DGKB: variants seen among roughly 807,000 people sequenced by gnomAD.
DGKB encodes the protein diacylglycerol kinase beta, also known as 90 kDa diacylglycerol kinase.
DGKB carries 67 observed loss-of-function variants against 114.3 expected under a neutral mutation model. The ratio of observed to expected loss-of-function variants is 0.59; its 90% confidence interval spans 0.48 to 0.72. The LOEUF is 0.72. Ranked by LOEUF, DGKB falls within the 30% of genes least tolerant of loss-of-function variation. DGKB has a pLI of 0.00. For synonymous variants in DGKB, 398 were observed against 323.1 expected (o/e 1.23, Z -2.49); for missense variants, 907 against 975.2 (o/e 0.93, Z 0.93).
chr7:14,480,093 C>A (rs1782762524), intron 20 of DGKB, among the ~76,000 whole-genome samples: 1 of 151,462 alleles, frequency 6.6e-6, no homozygotes, highest in Non-Finnish European at 1.5e-5. Flanking sequence ...TCTTCCTTTA[C>A]AAAGCAACAT....
At chr7:14,730,396 T>A (rs1403189583) in intron 5 of DGKB, among the ~76,000 whole-genome samples, 1 of 152,170 alleles carries the variant, frequency 6.6e-6, no homozygotes, top group Non-Finnish European at 1.5e-5. Context: ...GCCATCTTAT[T>A]AATCATTGAA....
intron 15 of DGKB, among the ~76,000 whole-genome samples, chr7:14,618,454 A>G (rs1327404193): frequency 2.0e-5 from 3 of 151,688 alleles, no homozygotes; most frequent in Non-Finnish European, 4.4e-5. Context: ...ATTTAGGAAC[A>G]AGGTAACTTC....
At chr7:14,279,014 G>A (rs2128449318) in intron 23 of DGKB, among the ~76,000 whole-genome samples, 1 of 152,300 alleles carries the variant, frequency 6.6e-6, no homozygotes, top group Non-Finnish European at 1.5e-5. Context: ...GCGCAGGTCA[G>A]TGGGTGCACG....
intron 21 of DGKB, among the ~76,000 whole-genome samples, chr7:14,352,981 A>C (rs1813761416): frequency 6.6e-6 from 1 of 152,140 alleles, no homozygotes; most frequent in Admixed American, 6.5e-5. Context: ...TAATAATAAA[A>C]GTGTCCCTAA....
intron 20 of DGKB, among the ~76,000 whole-genome samples, chr7:14,539,045 G>C (rs1351005374): frequency 6.6e-6 from 1 of 152,078 alleles, no homozygotes; most frequent in Non-Finnish European, 1.5e-5. Context: ...AAATCATTTT[G>C]TAATTGGACC....
chr7:14,645,285 C>T (rs1812713541), intron 13 of DGKB, among the ~76,000 whole-genome samples: 1 of 152,100 alleles, frequency 6.6e-6, no homozygotes, highest in Non-Finnish European at 1.5e-5. Flanking sequence ...GTGCACATAC[C>T]TTGATCCTTT....
At chr7:14,365,456 C>T (rs1384450960) in intron 21 of DGKB, among the ~76,000 whole-genome samples, 1 of 151,932 alleles carries the variant, frequency 6.6e-6, no homozygotes, top group Non-Finnish European at 1.5e-5. Context: ...AGCCCAGAAC[C>T]GACAGTATAA....
chr7:14,720,471 ATTTGTGTGTG>A (rs1317807758), intron 5 of DGKB, among the ~76,000 whole-genome samples: 1 of 104,208 alleles, frequency 9.6e-6, no homozygotes, highest in Non-Finnish European at 1.9e-5. Context: ...CGCCCGGCTG[ATTTGTGTGTG>A]TGTGTGTGTG....
chr7:14,466,645 CAAA>C (rs57888491), intron 21 of DGKB, among the ~76,000 whole-genome samples: 48,625 of 138,514 alleles, frequency 0.35, 8,539 homozygotes, highest in South Asian at 0.44. Flanking sequence ...ATGAATAAAC[CAAA>C]AAAAAAAAAA....
At chr7:14,653,508 G>T (rs143730277) in intron 13 of DGKB, among the ~76,000 whole-genome samples, 1 of 151,992 alleles carries the variant, frequency 6.6e-6, no homozygotes, top group East Asian at 1.9e-4. Context: ...ACTGTTGTGG[G>T]GTGGGGGTAG....
intron 13 of DGKB, among the ~76,000 whole-genome samples, chr7:14,632,036 G>T (rs1294073992): frequency 2.0e-5 from 3 of 151,930 alleles, no homozygotes; most frequent in African/African-American, 7.2e-5. Context: ...GCATACATTT[G>T]CAGAGAGCAG....
At chr7:14,251,836 G>A (rs1341627606) in intron 23 of DGKB, among the ~76,000 whole-genome samples, 7 of 151,922 alleles carry the variant, frequency 4.6e-5, no homozygotes, top group Non-Finnish European at 5.9e-5. Context: ...CTCCTTTCCT[G>A]GCCTGCAAGG....
intron 14 of DGKB, among the ~76,000 whole-genome samples, chr7:14,628,333 T>A (rs1233519172): frequency 9.1e-6 from 1 of 109,686 alleles, no homozygotes; most frequent in Non-Finnish European, 2.1e-5. Flanking sequence ...GTGGTGTGTA[T>A]GAGGAGTGGT....
At chr7:14,973,836 A>G (rs1367213116) in intron 1 of DGKB, among the ~76,000 whole-genome samples, 2 of 148,188 alleles carry the variant, frequency 1.3e-5, no homozygotes, top group African/African-American at 4.9e-5. Context: ...TACATATAAA[A>G]ATAAATCTAA....
intron 17 of DGKB, among the ~76,000 whole-genome samples, chr7:14,587,310 A>G (rs1800937540): frequency 6.6e-6 from 1 of 152,134 alleles, no homozygotes; most frequent in Non-Finnish European, 1.5e-5. Context: ...TGGAGGCTGC[A>G]TGTGACTGAA....
At chr7:14,256,898 G>A (rs1400415979) in intron 23 of DGKB, among the ~76,000 whole-genome samples, 1 of 152,172 alleles carries the variant, frequency 6.6e-6, no homozygotes, top group Admixed American at 6.6e-5. Context: ...GGGCACGGTG[G>A]TTTACATCTG....
intron 1 of DGKB, among the ~76,000 whole-genome samples, chr7:14,853,550 AT>A (rs1470244649): frequency 6.6e-6 from 1 of 151,968 alleles, no homozygotes; most frequent in Non-Finnish European, 1.5e-5. Flanking sequence ...AGTTTAAAAC[AT>A]TTTTGAAATA....
intron 17 of DGKB, among the ~76,000 whole-genome samples, chr7:14,584,925 G>T (rs931851511): frequency 2.6e-5 from 4 of 152,096 alleles, no homozygotes; most frequent in African/African-American, 7.2e-5. Flanking sequence ...CTCCCAAAGT[G>T]CTGGGATTAC....
intron 2 of DGKB, among the ~76,000 whole-genome samples, chr7:14,836,303 T>G (rs1433063551): frequency 6.6e-6 from 1 of 152,226 alleles, no homozygotes; most frequent in Non-Finnish European, 1.5e-5. Context: ...CAATGCCAGC[T>G]GCTATAAACT....
Sources: gnomAD v4.1 joint callset for allele counts (sites outside exome capture counted in the v4.1 genomes callset) on GRCh38, gnomAD v4.1.1 for gene constraint, MANE v1.5 for transcripts, NCBI Gene and HGNC (gene_info 2026-07-23, HGNC 2026-07-21) for gene names.